Variants in FAM107B observed in about 807,000 individuals in gnomAD.
FAM107B encodes protein FAM107B.
Under a neutral mutation model 31.5 loss-of-function variants are expected in FAM107B, and 21 were observed. The observed-to-expected ratio is 0.67, with a 90% CI of 0.47 to 0.96. The LOEUF is 0.96. FAM107B is among the 40% of genes least tolerant of loss of function. The pLI is 0.00. For synonymous variants in FAM107B, 157 were observed against 141.5 expected, an observed-to-expected ratio of 1.11 and a Z score of -0.78; for missense variants, 452 against 377.1, an observed-to-expected ratio of 1.20 and a Z score of -1.64.
intron 2 of FAM107B, chr10:14,572,092 C>G: frequency 1.0e-6 from 1 of 985,434 alleles, no homozygotes; most frequent in South Asian, 4.7e-5. Flanking sequence ...AAAAGAGCCA[C>G]AGTTCAAGTT....
intron 1 of FAM107B, among the ~76,000 whole-genome samples, chr10:14,684,281 C>T (rs144555768): frequency 2.0e-5 from 3 of 152,106 alleles, no homozygotes; most frequent in Admixed American, 6.5e-5. Context: ...GGTGAAACCC[C>T]GTCTCTACTA....
intron 1 of FAM107B, among the ~76,000 whole-genome samples, chr10:14,754,495 C>T (rs149106429): frequency 7.9e-5 from 12 of 152,214 alleles, no homozygotes; most frequent in African/African-American, 7.2e-5. Flanking sequence ...AGGAATGTGC[C>T]CTCTCCCTGC....
At chr10:14,726,964 G>T (rs189645875) in intron 1 of FAM107B, among the ~76,000 whole-genome samples, 38 of 152,128 alleles carry the variant, frequency 2.5e-4, no homozygotes, top group African/African-American at 8.7e-4. Flanking sequence ...CCCTGAGCTT[G>T]TTTTCCTGCA....
At chr10:14,735,023 C>T (rs1856266381) in intron 1 of FAM107B, among the ~76,000 whole-genome samples, 1 of 152,208 alleles carries the variant, frequency 6.6e-6, no homozygotes, top group Admixed American at 6.5e-5. Flanking sequence ...GCCACACTTG[C>T]AGGTGTCCAG....
intron 1 of FAM107B, among the ~76,000 whole-genome samples, chr10:14,738,473 T>A (rs2131569401): frequency 6.6e-6 from 1 of 152,292 alleles, no homozygotes; most frequent in Non-Finnish European, 1.5e-5. Flanking sequence ...TGAACCTCCT[T>A]AGGGCTCTTT....
intron 2 of FAM107B, among the ~76,000 whole-genome samples, chr10:14,601,517 G>A (rs770788988): frequency 6.6e-6 from 1 of 152,132 alleles, no homozygotes; most frequent in Non-Finnish European, 1.5e-5. Flanking sequence ...GTCATCCCAA[G>A]GCCACACTCG....
intron 2 of FAM107B, among the ~76,000 whole-genome samples, chr10:14,545,432 T>G (rs896510744): frequency 6.6e-6 from 1 of 152,214 alleles, no homozygotes; most frequent in Non-Finnish European, 1.5e-5. Context: ...TATCTCTTGA[T>G]GAATACCTGG....
chr10:14,527,873 A>G (rs1244539337), intron 3 of FAM107B: 4 of 241,336 alleles, frequency 1.7e-5, no homozygotes, highest in Non-Finnish European at 2.5e-5. Context: ...AAGATGAATA[A>G]AAGGAAAGAA....
At chr10:14,642,919 C>A (rs185168869) in intron 2 of FAM107B, among the ~76,000 whole-genome samples, 22 of 152,280 alleles carry the variant, frequency 1.4e-4, no homozygotes, top group African/African-American at 4.1e-4. Flanking sequence ...ATTTCTGAGA[C>A]CTTGCCAGAA....
chr10:14,692,478 G>T (rs1855162595), intron 1 of FAM107B, among the ~76,000 whole-genome samples: 1 of 152,124 alleles, frequency 6.6e-6, no homozygotes, highest in Admixed American at 6.5e-5. Context: ...TTTTATCAGT[G>T]GCAAGCAATA....
chr10:14,762,410 G>A (rs1048078308), intron 1 of FAM107B, among the ~76,000 whole-genome samples: 8 of 152,160 alleles, frequency 5.3e-5, no homozygotes, highest in East Asian at 1.9e-4. Context: ...GAGGGTTTGC[G>A]AATTAGCATA....
At position 14,546,344 on chromosome 10, in the gene FAM107B, C is replaced by T. The variant is rs112232023; in HGVS notation, c.470-15829G>A. The stretch of plus-strand genomic sequence containing the variant: ...CTGCTTTGCAAATTTTCTAAATTGA[C>T]TGTCCACATTTTCTACTGATCTGTG... On this transcript the variant is annotated intron_variant, in intron 2 of 4. Transcript: ENST00000181796. Among the ~76,000 whole-genome samples, 571 of 152,348 alleles carry T rather than the reference C, an allele frequency of 3.7e-3. 8 individuals carry two copies. Among genetic ancestry groups the T allele is most frequent in the African/African-American group, 0.013 (543 of 41,584 alleles).
At chr10:14,597,611 C>A (rs1277804594) in intron 2 of FAM107B, among the ~76,000 whole-genome samples, 1 of 152,200 alleles carries the variant, frequency 6.6e-6, no homozygotes, top group Admixed American at 6.5e-5. Context: ...CTCCAAGTGT[C>A]CCTGTGTCCG....
intron 1 of FAM107B, among the ~76,000 whole-genome samples, chr10:14,670,366 A>G (rs530250499): frequency 6.6e-6 from 1 of 152,252 alleles, no homozygotes; most frequent in Non-Finnish European, 1.5e-5. Flanking sequence ...CCAAAATTAC[A>G]TATTTGAAGT....
intron 2 of FAM107B, among the ~76,000 whole-genome samples, chr10:14,648,822 A>C (rs1853830646): frequency 6.6e-6 from 1 of 152,184 alleles, no homozygotes; most frequent in African/African-American, 2.4e-5. Context: ...TCTTCATTCC[A>C]TAAATATTTA....
intron 1 of FAM107B, among the ~76,000 whole-genome samples, chr10:14,750,135 T>A (rs915135939): frequency 6.6e-6 from 1 of 152,104 alleles, no homozygotes; most frequent in Non-Finnish European, 1.5e-5. Flanking sequence ...ATTGGTAGCA[T>A]CCTCAAGGCT....
chr10:14,645,320 T>A (rs1853725519), intron 2 of FAM107B, among the ~76,000 whole-genome samples: 1 of 152,154 alleles, frequency 6.6e-6, no homozygotes, highest in South Asian at 2.1e-4. Context: ...CTTCCAGGGG[T>A]GTCAACTGCT....
intron 2 of FAM107B, among the ~76,000 whole-genome samples, chr10:14,611,411 A>G (rs1852719181): frequency 1.3e-5 from 2 of 150,688 alleles, no homozygotes; most frequent in African/African-American, 4.9e-5. Flanking sequence ...TTCGCTCTAG[A>G]TACAGACATT....
At chr10:14,525,760 C>G (rs1846162824) in intron 3 of FAM107B, among the ~76,000 whole-genome samples, 1 of 152,218 alleles carries the variant, frequency 6.6e-6, no homozygotes, top group Non-Finnish European at 1.5e-5. Context: ...CTGCACACTT[C>G]TACAAGTATT....
Sources: gnomAD v4.1 joint callset for allele counts (sites outside exome capture counted in the v4.1 genomes callset) on GRCh38, gnomAD v4.1.1 for gene constraint, MANE v1.5 for transcripts, NCBI Gene and HGNC (gene_info 2026-07-23, HGNC 2026-07-21) for gene names.